ADARB2: variants seen among roughly 807,000 people sequenced by gnomAD.
ADARB2 encodes adenosine deaminase RNA specific B2 (inactive).
In ADARB2, 25 loss-of-function variants were observed where a neutral mutation model predicts 62.2. The ratio of observed to expected loss-of-function variants is 0.40; its 90% CI spans 0.29 to 0.56. The LOEUF is 0.56. Ranked by LOEUF, ADARB2 falls within the 20% of genes least tolerant of loss-of-function variation. The pLI is 0.43. For synonymous variants in ADARB2, 572 were observed against 500.8 expected (o/e 1.14, Z -1.90); for missense variants, 1,071 against 1,077.4 (o/e 0.99, Z 0.08).
chr10:1,666,665 C>A (rs1306497348), intron 1 of ADARB2, among the ~76,000 whole-genome samples: 1 of 152,106 alleles, frequency 6.6e-6, no homozygotes, highest in African/African-American at 2.4e-5. Flanking sequence ...GGTTCCAATC[C>A]TGATTTTTAG....
At chr10:1,682,754 C>G (rs182738141) in intron 1 of ADARB2, among the ~76,000 whole-genome samples, 5 of 152,172 alleles carry the variant, frequency 3.3e-5, no homozygotes, top group Admixed American at 6.5e-5. Context: ...GAGAACATTA[C>G]GGTGACTGTA....
chr10:1,277,342 A>C (rs1456768698), intron 3 of ADARB2, among the ~76,000 whole-genome samples: 1 of 152,222 alleles, frequency 6.6e-6, no homozygotes, highest in East Asian at 1.9e-4. Flanking sequence ...AGGATCAACA[A>C]AATTGATAGA....
chr10:1,305,061 C>CT (rs1184262385), intron 3 of ADARB2, among the ~76,000 whole-genome samples: 1 of 114,156 alleles, frequency 8.8e-6, no homozygotes, highest in Non-Finnish European at 2.0e-5. Context: ...CAGAGCAGAA[C>CT]TGAAGGAAAG....
chr10:1,389,114 C>T (rs1832547836), intron 1 of ADARB2, among the ~76,000 whole-genome samples: 2 of 152,108 alleles, frequency 1.3e-5, no homozygotes, highest in Admixed American at 1.3e-4. Flanking sequence ...CTGAGCCCTA[C>T]CTCACATCAT....
intron 1 of ADARB2, among the ~76,000 whole-genome samples, chr10:1,708,546 C>G (rs1313049075): frequency 6.6e-6 from 1 of 152,168 alleles, no homozygotes; most frequent in Non-Finnish European, 1.5e-5. Context: ...AGTCAAGACG[C>G]CAATCAAGAA....
chr10:1,463,171 G>C (rs1831200995), intron 1 of ADARB2, among the ~76,000 whole-genome samples: 1 of 152,174 alleles, frequency 6.6e-6, no homozygotes, highest in Admixed American at 6.5e-5. Flanking sequence ...GCTGCAGCGG[G>C]GGCACAGGAA....
chr10:1,483,523 G>A (rs1360839667), intron 1 of ADARB2, among the ~76,000 whole-genome samples: 1 of 151,622 alleles, frequency 6.6e-6, no homozygotes, highest in East Asian at 1.9e-4. Context: ...CTTTTCAAGA[G>A]CATTTTTTTT....
Position 1,183,154 on chromosome 10 carries a change from C to T in ADARB2, c.*39G>A. 6.2e-7 allele frequency: 1 copy of T among 1,601,618 alleles called. No individual in the cohort carries two copies. Among genetic ancestry groups the T allele is most frequent in the Non-Finnish European group, 8.5e-7 (1 of 1,172,140 alleles). On this transcript the variant is annotated 3_prime_UTR_variant, in exon 10 of 10. Coordinates refer to ENST00000381312, the MANE Select transcript of ADARB2 (RefSeq NM_018702.4). ...CCCCCCAGACACGGTCCCATCCCTC[C>T]AGCGTCCCGCTCAGCTCCAGCAGCC...
intron 1 of ADARB2, among the ~76,000 whole-genome samples, chr10:1,501,740 C>T (rs1316131503): frequency 1.3e-5 from 2 of 152,198 alleles, no homozygotes; most frequent in Non-Finnish European, 2.9e-5. Flanking sequence ...TCATGTCCTT[C>T]AGCCAATCCT....
rs185152516 is a variant in ADARB2 at position 1,356,941 on chromosome 10, C to T, written c.1077+6087G>A. ...TTCTCCCTGAGTTACACACTGAGAC[C>T]TTTGCCACGACAGAAATGACGTTCG... On this transcript the variant is annotated intron_variant, in intron 3 of 9. Transcript: ENST00000381312. Among the ~76,000 whole-genome samples the T allele has an allele frequency of 1.1e-3, 163 of 152,338 alleles. 4 individuals are homozygous for T. Among genetic ancestry groups the T allele is most frequent in the Admixed American group, 1.4e-3 (21 of 15,302 alleles).
In ADARB2 at chr10:1,195,773, C is replaced by T. The variant is rs1048399663; in HGVS notation, c.1864+4193G>A. On this transcript the variant is annotated intron_variant, in intron 8 of 9. Coordinates refer to ENST00000381312, the MANE Select transcript of ADARB2 (RefSeq NM_018702.4). ...CAGCAGGGTGAGGCTTTCTAGCCCCCGAGCCAGCAAAGCACAGTGGGGAGA... is the reference window on the plus strand; with the variant it reads ...CAGCAGGGTGAGGCTTTCTAGCCCCTGAGCCAGCAAAGCACAGTGGGGAGA... 2.6e-5 allele frequency among the ~76,000 whole-genome samples: 4 copies of T among 152,120 alleles called. No homozygotes were observed. The South Asian group carries it at 6.2e-4, about 24-fold the overall frequency.
At chr10:1,354,885 A>G (rs998016805) in intron 3 of ADARB2, among the ~76,000 whole-genome samples, 1 of 152,214 alleles carries the variant, frequency 6.6e-6, no homozygotes, top group African/African-American at 2.4e-5. Flanking sequence ...CTCTCTGCTT[A>G]CAGAGCCACC....
chr10:1,431,854 A>T (rs567201772), intron 1 of ADARB2, among the ~76,000 whole-genome samples: 1 of 152,324 alleles, frequency 6.6e-6, no homozygotes, highest in South Asian at 2.1e-4. Flanking sequence ...TACTTAGAAG[A>T]AATGGCTTGT....
At chr10:1,254,194 G>C (rs542103650) in intron 4 of ADARB2, among the ~76,000 whole-genome samples, 3 of 144,704 alleles carry the variant, frequency 2.1e-5, no homozygotes, top group African/African-American at 8.6e-5. Context: ...TGGTTAGGAT[G>C]TGGTGGGCTC....
chr10:1,326,324 C>A (rs1831845869), intron 3 of ADARB2, among the ~76,000 whole-genome samples: 1 of 152,216 alleles, frequency 6.6e-6, no homozygotes, highest in Non-Finnish European at 1.5e-5. Context: ...AACATCAGAA[C>A]TATCCAATAA....
At chr10:1,566,834 T>A (rs1832866472) in intron 1 of ADARB2, among the ~76,000 whole-genome samples, 1 of 152,240 alleles carries the variant, frequency 6.6e-6, no homozygotes, top group African/African-American at 2.4e-5. Flanking sequence ...TGCTTCCATA[T>A]AACTACATTC....
Position 1,339,683 on chromosome 10 carries a change from C to T in ADARB2, c.1077+23345G>A, listed in dbSNP as rs149362451. ...CTGGCCATGAAAAGCTGAGCAGCAG[C>T]GATCTGCAGAGGGAGCGGGTGTGGG... On this transcript the variant is annotated intron_variant, in intron 3 of 9. Transcript: ENST00000381312. Among the ~76,000 whole-genome samples the T allele has an allele frequency of 1.9e-3, 288 of 152,344 alleles. 2 individuals are homozygous for T. Among genetic ancestry groups the T allele is most frequent in the African/African-American group, 5.9e-3 (244 of 41,574 alleles).
intron 1 of ADARB2, among the ~76,000 whole-genome samples, chr10:1,630,894 G>C (rs965365320): frequency 6.6e-6 from 1 of 152,106 alleles, no homozygotes; most frequent in Non-Finnish European, 1.5e-5. Context: ...GATGGAGGTT[G>C]CAGTGAGCCG....
At chr10:1,475,553 A>T (rs888334858) in intron 1 of ADARB2, among the ~76,000 whole-genome samples, 1 of 152,222 alleles carries the variant, frequency 6.6e-6, no homozygotes, top group African/African-American at 2.4e-5. Flanking sequence ...GCCCCAGATG[A>T]ATTTGAAAAT....
Sources: allele counts gnomAD v4.1 joint callset (sites outside exome capture counted in the v4.1 genomes callset), GRCh38; gene constraint gnomAD v4.1.1; transcripts MANE v1.5; gene names NCBI Gene and HGNC (gene_info 2026-07-23, HGNC 2026-07-21).